Variants in PPP1R1C observed in about 807,000 individuals in gnomAD.
The protein encoded by PPP1R1C is protein phosphatase 1 regulatory inhibitor subunit 1C, also known as protein phosphatase 1 regulatory subunit 1C.
Under a neutral mutation model 17.4 loss-of-function variants are expected in PPP1R1C, and 15 were observed. The observed-to-expected ratio is 0.86, with a 90% CI of 0.58 to 1.33. The LOEUF is 1.33. PPP1R1C is among the 40% of genes most tolerant of loss of function. The pLI is 0.00. For missense variants in PPP1R1C, 143 were observed against 130.0 expected (o/e 1.10, Z -0.48); for synonymous variants, 35 against 43.1 (o/e 0.81, Z 0.73).
chr2:182,116,083 T>C (rs1689572782), intron 4 of PPP1R1C, among the ~76,000 whole-genome samples: 1 of 152,082 alleles, frequency 6.6e-6, no homozygotes, highest in Admixed American at 6.6e-5. Flanking sequence ...GTTGTTGTAA[T>C]TGTCTTCTGA....
intron 2 of PPP1R1C, among the ~76,000 whole-genome samples, chr2:182,029,747 T>C (rs1469540746): frequency 2.0e-5 from 2 of 99,712 alleles, no homozygotes; most frequent in Non-Finnish European, 3.9e-5. Context: ...TTCCTGAATC[T>C]GAACGTTGGC....
intron 4 of PPP1R1C, among the ~76,000 whole-genome samples, chr2:182,096,576 C>T (rs186517180): frequency 2.6e-4 from 40 of 152,268 alleles, no homozygotes; most frequent in Admixed American, 9.8e-4. Flanking sequence ...TAAATGCGCT[C>T]CTATTTTCTA....
At chr2:182,035,556 C>G (rs142831899) in intron 2 of PPP1R1C, among the ~76,000 whole-genome samples, 310 of 152,254 alleles carry the variant, frequency 2.0e-3, no homozygotes, top group African/African-American at 7.2e-3. Context: ...GTGATTGAAT[C>G]ATGGGGGTGG....
chr2:182,104,869 C>T (rs4666810), intron 4 of PPP1R1C, among the ~76,000 whole-genome samples: 4,848 of 152,182 alleles, frequency 0.032, 228 homozygotes, highest in Admixed American at 0.13. Flanking sequence ...GGAATTCAGC[C>T]GTGAAGCCAT....
chr2:182,059,684 G>A (rs933486462), intron 2 of PPP1R1C, among the ~76,000 whole-genome samples: 4 of 151,790 alleles, frequency 2.6e-5, no homozygotes, highest in Non-Finnish European at 5.9e-5. Flanking sequence ...TTGCCTTCAC[G>A]ACATAAATAA....
At chr2:182,079,863 T>G (rs568031526) in intron 4 of PPP1R1C, among the ~76,000 whole-genome samples, 1 of 152,314 alleles carries the variant, frequency 6.6e-6, no homozygotes, top group African/African-American at 2.4e-5. Flanking sequence ...TGTCTCACTC[T>G]TCCCGTGGCC....
intron 1 of PPP1R1C, among the ~76,000 whole-genome samples, chr2:181,966,275 T>C (rs1684901551): frequency 6.6e-6 from 1 of 152,212 alleles, no homozygotes; most frequent in Admixed American, 6.5e-5. Flanking sequence ...ACTTCTTCCT[T>C]TCCAATTTGG....
intron 1 of PPP1R1C, among the ~76,000 whole-genome samples, chr2:181,966,700 T>C (rs1361503108): frequency 6.6e-6 from 1 of 152,184 alleles, no homozygotes; most frequent in African/African-American, 2.4e-5. Context: ...TGTTACTGAA[T>C]TCAGTTTGCT....
intron 4 of PPP1R1C, 167 bp downstream of exon 4, chr2:182,063,958 C>A: frequency 2.0e-6 from 1 of 500,866 alleles, no homozygotes; most frequent in Non-Finnish European, 3.6e-6. Context: ...AACTTAGTTT[C>A]ATCAAGAGTA....
At chr2:182,049,287 G>A (rs1011387425) in intron 2 of PPP1R1C, among the ~76,000 whole-genome samples, 2 of 142,638 alleles carry the variant, frequency 1.4e-5, no homozygotes, top group Admixed American at 7.6e-5. Context: ...CCAAGATCAT[G>A]CCACCACTGC....
chr2:182,093,974 T>G (rs1165118678), intron 4 of PPP1R1C, among the ~76,000 whole-genome samples: 5 of 152,218 alleles, frequency 3.3e-5, no homozygotes, highest in African/African-American at 1.2e-4. Context: ...TGGTATCTGT[T>G]TAGCGGTGCA....
At chr2:182,074,154 G>C (rs902867183) in intron 4 of PPP1R1C, among the ~76,000 whole-genome samples, 1 of 149,074 alleles carries the variant, frequency 6.7e-6, no homozygotes, top group African/African-American at 2.5e-5. Context: ...CCATTCTTCT[G>C]CCTCAGCCTC....
chr2:182,127,196 T>G (rs1012697856), intron 5 of PPP1R1C, among the ~76,000 whole-genome samples: 3 of 152,212 alleles, frequency 2.0e-5, no homozygotes, highest in Admixed American at 1.3e-4. Context: ...TTGTAAGGTT[T>G]GTGGAGCACA....
chr2:181,960,259 A>G (rs1684747578), intron 1 of PPP1R1C, among the ~76,000 whole-genome samples: 1 of 152,244 alleles, frequency 6.6e-6, no homozygotes, highest in Admixed American at 6.5e-5. Flanking sequence ...CTGCTTATAA[A>G]TTACAGAAAA....
chr2:181,986,232 T>C (rs1196177764), intron 1 of PPP1R1C, 41 bp downstream of exon 1: 1 of 1,412,254 alleles, frequency 7.1e-7, no homozygotes, highest in South Asian at 1.1e-5. Context: ...GTACATAAGG[T>C]AATATGAACA....
At chr2:182,124,418 T>C (rs1332086863) in intron 5 of PPP1R1C, among the ~76,000 whole-genome samples, 1 of 151,408 alleles carries the variant, frequency 6.6e-6, no homozygotes, top group Non-Finnish European at 1.5e-5. Flanking sequence ...AGTAGTTTTT[T>C]TCTAATTCTA....
chr2:181,980,323 G>T (rs1049018884), intron 2 of PPP1R1C, among the ~76,000 whole-genome samples: 4 of 152,164 alleles, frequency 2.6e-5, no homozygotes, highest in East Asian at 3.8e-4. Flanking sequence ...AAAGTGAAAG[G>T]TACCAAAACA....
intron 1 of PPP1R1C, 49 bp downstream of exon 1, chr2:181,986,240 A>G: frequency 2.2e-6 from 3 of 1,347,656 alleles, no homozygotes; most frequent in Non-Finnish European, 2.1e-6. Context: ...GGTAATATGA[A>G]CATGCATTCT....
At chr2:181,979,826 C>G (rs1685162580) in intron 2 of PPP1R1C, among the ~76,000 whole-genome samples, 1 of 152,170 alleles carries the variant, frequency 6.6e-6, no homozygotes, top group Admixed American at 6.6e-5. Context: ...CAGGGCCCAG[C>G]TTTGCAAGAC....
Sources: allele counts gnomAD v4.1 joint callset (sites outside exome capture counted in the v4.1 genomes callset), GRCh38; gene constraint gnomAD v4.1.1; transcripts MANE v1.5; gene names NCBI Gene and HGNC (gene_info 2026-07-23, HGNC 2026-07-21).